Variants in TSKS observed in about 807,000 individuals in gnomAD.
The protein encoded by TSKS is testis-specific serine kinase substrate.
A neutral mutation model predicts 68.0 loss-of-function variants in TSKS; 27 were observed. That is an observed-to-expected ratio of 0.40 (90% CI 0.29 to 0.55). TSKS has a LOEUF of 0.55. TSKS is among the 20% of genes least tolerant of loss of function. The pLI, the probability that TSKS is intolerant of heterozygous loss-of-function variation, is 0.53. For missense variants in TSKS, 806 were observed against 776.0 expected, an observed-to-expected ratio of 1.04 and a Z score of -0.46; for synonymous variants, 331 against 340.4, an observed-to-expected ratio of 0.97 and a Z score of 0.30.
intron 2 of TSKS, among the ~76,000 whole-genome samples, chr19:49,761,134 A>C (rs2084437265): frequency 6.6e-6 from 1 of 152,166 alleles, no homozygotes; most frequent in African/African-American, 2.4e-5. Context: ...TAAAGGAACG[A>C]ATGTATGCAT....
chr19:49,761,995 G>A lies in TSKS; in HGVS notation c.399+9C>T, dbSNP rs927331269. 6.2e-7 allele frequency: 1 copy of A among 1,604,022 alleles called. No individual in the cohort carries two copies. The stretch of plus-strand genomic sequence containing the variant: ...GTCCTCCCCAGCGGGTGGTGTGGAG[G>A]GCCCTCACCAGGATTTCCGTGATGT... On this transcript the variant is annotated intron_variant, in intron 2 of 10. Coordinates refer to ENST00000246801, the MANE Select transcript of TSKS (RefSeq NM_021733.2).
rs76742258 is a variant in TSKS, at chr19:49,748,717, G to C, written c.400-248C>G. Among the ~76,000 whole-genome samples the C allele has an allele frequency of 6.1e-3, 926 of 152,256 alleles. 58 individuals carry two copies. In the East Asian group the frequency reaches 0.15, roughly 24 times the overall value. On this transcript the variant is annotated intron_variant, in intron 2 of 10. Transcript: ENST00000246801. The stretch of plus-strand genomic sequence containing the variant: ...ATCCAGGAGGGAAAGGGGGATGGAG[G>C]TGGGGTGCTCAGACATGTGGAGGAA...
In TSKS at chr19:49,746,651, T is replaced by C; in HGVS notation, c.811A>G (p.Asn271Asp). 6.2e-7 allele frequency: 1 copy of C among 1,607,884 alleles called. No homozygotes were observed. The highest frequency in any genetic ancestry group is 8.5e-7 in the Non-Finnish European group (1 of 1,179,510). ...GACGTGGCGGCGGGGCCCAGGCTGTTCCAGGAGAGGCCAGCCTCCGGCTTC... is the reference window on the plus strand; with the variant it reads ...GACGTGGCGGCGGGGCCCAGGCTGTCCCAGGAGAGGCCAGCCTCCGGCTTC... ...KQKPEAGLSW[N>D]SLGPAATSQG... The change falls in exon 6 of 11, where the codon AAC (asparagine) becomes GAC (aspartate). Residue 271 changes from asparagine (N) to aspartate (D), a missense_variant. Transcript: ENST00000246801.
At chr19:49,747,236 C>T in intron 5 of TSKS, 153 bp downstream of exon 5, 1 of 1,545,256 alleles carries the variant, frequency 6.5e-7, no homozygotes, top group Non-Finnish European at 8.7e-7. Flanking sequence ...CATTTGAATC[C>T]CTCTTATCAG....
intron 2 of TSKS, among the ~76,000 whole-genome samples, chr19:49,761,615 G>A (rs2084440955): frequency 6.6e-6 from 1 of 152,148 alleles, no homozygotes; most frequent in African/African-American, 2.4e-5. Context: ...CAGGGATCTG[G>A]CCTGTTTCCT....
At position 49,750,619 on chromosome 19, in the gene TSKS, G is replaced by C. The variant is rs147851634; in HGVS notation, c.400-2150C>G. Among the ~76,000 whole-genome samples the C allele has an allele frequency of 2.2e-3, 340 of 152,232 alleles. 6 individuals carry two copies. In the East Asian group the frequency reaches 0.042, roughly 19 times the overall value. ...AGACCCAGAGAGCCCTCTGCCAGCTGTTTATGACCAGTTCCAGCCGATGGA... is the reference window on the plus strand; with the variant it reads ...AGACCCAGAGAGCCCTCTGCCAGCTCTTTATGACCAGTTCCAGCCGATGGA... On this transcript the variant is annotated intron_variant, in intron 2 of 10. Coordinates refer to ENST00000246801, the MANE Select transcript of TSKS (RefSeq NM_021733.2).
Position 49,745,248 on chromosome 19 carries a change from G to T in TSKS, c.1141C>A (p.Arg381=). 6.2e-7 allele frequency: 1 copy of T among 1,607,554 alleles called. No individual in the cohort carries two copies. The highest frequency in any genetic ancestry group is 8.5e-7 in the Non-Finnish European group (1 of 1,178,636). ...RAQREQAQTA[R]DLQELRGRAD... ...CGACCTCGCAGCTCCTGCAAGTCCC[G>T]CGCCGTCTGTGCCTGTTCGCGCTGT... Residue 381 remains arginine, a synonymous_variant, in exon 7 of 11, where the codon CGG becomes AGG. Coordinates refer to ENST00000246801, the MANE Select transcript of TSKS (RefSeq NM_021733.2).
rs374431901 is a variant in TSKS, at chr19:49,747,419, G to A, written c.633C>T (p.Asn211=). The change falls in exon 5 of 11, where the codon AAC becomes AAT. Residue 211 remains asparagine (N), a synonymous_variant. Transcript: ENST00000246801. ...RSVEDAEIKT[N]VLKQNSALLE... ...GCAGGGCAGAATTCTGCTTCAAGAC[G>A]TTGGTTTTGATTTCAGCATCTTCCA... 6.2e-6 allele frequency: 10 copies of A among 1,614,168 alleles called. No homozygotes were observed. The highest frequency in any genetic ancestry group is 1.7e-5 in the Admixed American group (1 of 60,010).
intron 2 of TSKS, among the ~76,000 whole-genome samples, chr19:49,749,340 A>C (rs1273466083): frequency 6.6e-6 from 1 of 152,158 alleles, no homozygotes; most frequent in South Asian, 2.1e-4. Context: ...CAGAATCTAG[A>C]TTCAGAACGC....
intron 6 of TSKS, among the ~76,000 whole-genome samples, chr19:49,745,766 C>G (rs142134721): frequency 1.0e-3 from 159 of 152,214 alleles, no homozygotes; most frequent in African/African-American, 3.2e-3. Context: ...TTTCACCAGG[C>G]CTGGACCTGC....
intron 8 of TSKS, 39 bp from the exon 9 acceptor site, chr19:49,742,059 C>T: frequency 6.2e-7 from 1 of 1,608,218 alleles, no homozygotes; most frequent in East Asian, 2.2e-5. Flanking sequence ...AGGCCCAGTA[C>T]CAACTCCAGG....
intron 2 of TSKS, 22 bp downstream of exon 2, chr19:49,761,982 G>A (rs766562811): frequency 8.2e-6 from 13 of 1,585,758 alleles, no homozygotes; most frequent in Admixed American, 3.4e-5. Flanking sequence ...CCTCCCCAGC[G>A]GGTGGTGTGG....
intron 2 of TSKS, among the ~76,000 whole-genome samples, chr19:49,759,641 C>G (rs1393204723): frequency 7.9e-6 from 1 of 126,966 alleles, no homozygotes; most frequent in African/African-American, 3.4e-5. Flanking sequence ...GAACAAGACC[C>G]AGTCTCAAAA....
rs1403394488 is a variant in TSKS, at chr19:49,741,945, C to T, written c.1437G>A (p.Val479=). 1.2e-6 allele frequency: 2 copies of T among 1,614,180 alleles called. No individual in the cohort carries two copies. The highest frequency in any genetic ancestry group is 8.5e-7 in the Non-Finnish European group (1 of 1,180,038). ...AGGCAGGAGTCAGGCCCCTCTGCTT[C>T]ACCTCGTCCACTAGTGAGGTCAGTG... ...DRALTSLVDE[V]KQRGLTPACP... Residue 479 remains valine (V), a synonymous_variant, in exon 9 of 11, where the codon GTG becomes GTA. Transcript: ENST00000246801.
At chr19:49,754,493 C>T (rs957243985) in intron 2 of TSKS, among the ~76,000 whole-genome samples, 1 of 150,240 alleles carries the variant, frequency 6.7e-6, no homozygotes, top group Non-Finnish European at 1.5e-5. Flanking sequence ...AGTGAGACTC[C>T]ATCTCAAAAA....
chr19:49,748,273 T>TCC, intron 3 of TSKS, 101 bp downstream of exon 3: 2 of 1,557,494 alleles, frequency 1.3e-6, no homozygotes, highest in South Asian at 2.2e-5. Context: ...AGCCTCAAGC[T>TCC]CCCCAACTGA....
chr19:49,761,925 C>G lies in TSKS; in HGVS notation c.399+79G>C, dbSNP rs2084443719. 3.3e-6 allele frequency: 4 copies of G among 1,229,824 alleles called. No homozygotes were observed. The Admixed American group carries it at 8.4e-5, about 26-fold the overall frequency. The allele number at this position is 1,229,824 out of a possible 1,614,324, so 76.2% of individuals were successfully genotyped here. On this transcript the variant is annotated intron_variant, in intron 2 of 10. Transcript: ENST00000246801. ...ATTCTAACTCCAAGTCAAAAACACC[C>G]CACCCCCGTCCTAAGTATTTGCTAC...
intron 2 of TSKS, among the ~76,000 whole-genome samples, chr19:49,750,284 G>A (rs1296824320): frequency 7.1e-6 from 1 of 141,492 alleles, no homozygotes; most frequent in Non-Finnish European, 1.5e-5. Flanking sequence ...TTTTTTGACA[G>A]AGTCTTGCTC....
At chr19:49,756,718 T>G (rs1171683843) in intron 2 of TSKS, among the ~76,000 whole-genome samples, 1 of 152,208 alleles carries the variant, frequency 6.6e-6, no homozygotes, top group Admixed American at 6.5e-5. Context: ...GGAGCCTTAT[T>G]TGCCTCACTT....
Sources: gnomAD v4.1 joint callset for allele counts (sites outside exome capture counted in the v4.1 genomes callset) on GRCh38, gnomAD v4.1.1 for gene constraint, MANE v1.5 for transcripts, NCBI Gene and HGNC (gene_info 2026-07-23, HGNC 2026-07-21) for gene names.